Variants in PIK3C2B observed in about 807,000 individuals in gnomAD.
PIK3C2B encodes the protein phosphatidylinositol-4-phosphate 3-kinase catalytic subunit type 2 beta, also known as phosphatidylinositol 4-phosphate 3-kinase C2 domain-containing subunit beta.
A neutral mutation model predicts 184.3 loss-of-function variants in PIK3C2B; 83 were observed. The ratio of observed to expected loss-of-function variants is 0.45; its 90% CI spans 0.38 to 0.54. PIK3C2B has a LOEUF of 0.54. PIK3C2B is among the 20% of genes least tolerant of loss of function. The pLI, the probability that PIK3C2B is intolerant of heterozygous loss-of-function variation, is 0.00. For missense variants in PIK3C2B, 1,736 were observed against 2,113.5 expected (o/e 0.82, Z 3.50); for synonymous variants, 779 against 837.6 (o/e 0.93, Z 1.21).
Position 204,441,504 on chromosome 1 carries a change from A to G in PIK3C2B, c.3216T>C (p.Asp1072=). ...VPLKLSFQNV[D]PLGENIRVIF... The stretch of plus-strand genomic sequence containing the variant: ...TGACACGGATGTTCTCACCCAGGGG[A>G]TCCACATTTTGGAAGGAGAGTTTGA... Residue 1072 remains aspartate, a synonymous_variant, in exon 21 of 33, where the codon GAT becomes GAC. Transcript: ENST00000684373. 2 of 1,612,868 alleles carry G rather than the reference A, an allele frequency of 1.2e-6. No individual in the cohort carries two copies. The highest frequency in any genetic ancestry group is 1.7e-6 in the Non-Finnish European group (2 of 1,178,874).
Position 204,423,888 on chromosome 1 carries a change from C to CTTGGGTGAAAA in PIK3C2B, c.*963_*964insTTTTCACCCAA, listed in dbSNP as rs1364705855. 1.3e-5 allele frequency: 2 copies of CTTGGGTGAAAA among 152,498 alleles called. No homozygotes were observed. The highest frequency in any genetic ancestry group is 4.8e-5 in the African/African-American group (2 of 41,372). 9.4% of individuals were successfully genotyped at this position (152,498 alleles called of 1,614,324 possible). A position where few individuals can be genotyped will look rare whatever the true frequency, so the allele number is the denominator to read the frequency against. On this transcript the variant is annotated 3_prime_UTR_variant, in exon 33 of 33. Coordinates refer to ENST00000684373, the MANE Select transcript of PIK3C2B (RefSeq NM_001377334.1). ...AAGATGCTCTTGGGTGAAACTACATCTAAGGACTGAGTCAGTATTTTGTCC... is the reference window on the plus strand; with the variant it reads ...AAGATGCTCTTGGGTGAAACTACATCTTGGGTGAAAATAAGGACTGAGTCAGTATTTTGTCC...
intron 3 of PIK3C2B, 40 bp downstream of exon 3, chr1:204,465,179 C>G: frequency 1.1e-6 from 1 of 945,958 alleles, no homozygotes. Flanking sequence ...CCCCATCCCC[C>G]ATAGCCCTCC....
chr1:204,457,794 A>G lies in PIK3C2B; in HGVS notation c.1647T>C (p.Pro549=), dbSNP rs1654994847. 1 of 1,613,168 alleles carries G rather than the reference A, an allele frequency of 6.2e-7. No homozygotes were observed. ...ICNALAAVET[P]EITSALNQLP... is the part of the protein sequence containing the mutation. ...GCTGGTTGAGAGCACTGGTGATCTC[A>G]GGGGTTTCCACGGCGGCCAGGGCGT... Residue 549 remains proline (P), a synonymous_variant, in exon 9 of 33, where the codon CCT becomes CCC. Transcript: ENST00000684373.
chr1:204,430,864 G>A (rs1400012135), intron 28 of PIK3C2B, among the ~76,000 whole-genome samples: 1 of 152,088 alleles, frequency 6.6e-6, no homozygotes, highest in Non-Finnish European at 1.5e-5. Context: ...ATGTTGGCCA[G>A]GCTGCTCTCG....
intron 5 of PIK3C2B, 120 bp downstream of exon 5, chr1:204,463,892 G>C: frequency 2.0e-6 from 2 of 1,001,148 alleles, no homozygotes; most frequent in Non-Finnish European, 3.0e-6. Context: ...CCAGAAAGCA[G>C]GAGTCTTGAC....
chr1:204,467,103 G>A, intron 2 of PIK3C2B: 1 of 390,782 alleles, frequency 2.6e-6, no homozygotes, highest in Non-Finnish European at 5.2e-6. Flanking sequence ...ATTCTGGGCT[G>A]AGCTCTGTCT....
At chr1:204,483,142 C>T (rs1393630689) in intron 1 of PIK3C2B, among the ~76,000 whole-genome samples, 1 of 152,146 alleles carries the variant, frequency 6.6e-6, no homozygotes, top group African/African-American at 2.4e-5. Flanking sequence ...CTCAGAAAGG[C>T]CAGGCACAGT....
chr1:204,432,973 C>T (rs1443423962), intron 26 of PIK3C2B, among the ~76,000 whole-genome samples: 3 of 152,184 alleles, frequency 2.0e-5, no homozygotes, highest in Non-Finnish European at 4.4e-5. Flanking sequence ...AAGGGGGAAG[C>T]GTCTGACCAA....
intron 1 of PIK3C2B, among the ~76,000 whole-genome samples, chr1:204,490,870 T>C (rs1170749667): frequency 6.6e-6 from 1 of 152,142 alleles, no homozygotes; most frequent in African/African-American, 2.4e-5. Flanking sequence ...CTGCCTTAAT[T>C]TCCCCAGGAT....
At chr1:204,480,837 G>GTCATCT (rs1657075799) in intron 1 of PIK3C2B, among the ~76,000 whole-genome samples, 1 of 152,110 alleles carries the variant, frequency 6.6e-6, no homozygotes, top group Non-Finnish European at 1.5e-5. Flanking sequence ...CCTTGGGATA[G>GTCATCT]GAAGGCTCTC....
intron 12 of PIK3C2B, among the ~76,000 whole-genome samples, chr1:204,452,287 C>CCTTT (rs1558252019): frequency 2.3e-5 from 1 of 44,390 alleles, no homozygotes; most frequent in African/African-American, 4.9e-5. Flanking sequence ...TGTGCAGCAC[C>CCTTT]CTTTTTTTTT....
intron 8 of PIK3C2B, 98 bp downstream of exon 8, chr1:204,459,780 C>A: frequency 1.9e-6 from 2 of 1,040,096 alleles, no homozygotes. Context: ...TCAGGCTCCA[C>A]CCAGACCCCT....
In PIK3C2B at chr1:204,469,173, C is replaced by T; in HGVS notation, c.630G>A (p.Glu210=). The change falls in exon 2 of 33, where the codon GAG becomes GAA. Residue 210 remains glutamate (E), a synonymous_variant. Transcript: ENST00000684373. ...GKLLEHRILE[E]EEVLGGGGQG... ...GACCCCCACCTCCCAGCACCTCTTC[C>T]TCTTCTAGGATCCGATGCTCTAGCA... 1 of 1,614,030 alleles carries T rather than the reference C, an allele frequency of 6.2e-7. No homozygotes were observed. The highest frequency in any genetic ancestry group is 8.5e-7 in the Non-Finnish European group (1 of 1,179,940).
rs1655377948 is a variant in PIK3C2B, at chr1:204,462,057, G to C, written c.1311-1396C>G. On this transcript the variant is annotated intron_variant, in intron 5 of 32. Transcript: ENST00000684373. ...TGTGCTTTTCTGTTGGGTGGGAGTGGGGCTCCTAGGCCAGGAGTCATGCAC... is the reference window on the plus strand; with the variant it reads ...TGTGCTTTTCTGTTGGGTGGGAGTGCGGCTCCTAGGCCAGGAGTCATGCAC... Among the ~76,000 whole-genome samples, 3 of 152,202 alleles carry C rather than the reference G, an allele frequency of 2.0e-5. No homozygotes were observed. In the South Asian group the frequency reaches 6.2e-4, roughly 32 times the overall value.
chr1:204,426,211 T>C (rs1286532657), intron 31 of PIK3C2B, among the ~76,000 whole-genome samples: 1 of 152,214 alleles, frequency 6.6e-6, no homozygotes, highest in Non-Finnish European at 1.5e-5. Context: ...ATGTCATGCC[T>C]CTGCTTAAAA....
In PIK3C2B at chr1:204,457,805, C is replaced by A; in HGVS notation, c.1636G>T (p.Val546Leu). 1 of 1,612,698 alleles carries A rather than the reference C, an allele frequency of 6.2e-7. No homozygotes were observed. The highest frequency in any genetic ancestry group is 8.5e-7 in the Non-Finnish European group (1 of 1,179,436). The stretch of plus-strand genomic sequence containing the variant: ...GCACTGGTGATCTCAGGGGTTTCCA[C>A]GGCGGCCAGGGCGTTGCAGATGGCC... ...VKAICNALAAVETPEITSALN... is the reference protein window; with the variant it reads ...VKAICNALAALETPEITSALN... The change falls in exon 9 of 33, where the codon GTG becomes TTG. Residue 546 changes from valine (V) to leucine (L), a missense_variant. Physicochemically the swap from Val to Leu is conservative, Grantham distance 32. Around this residue, in one of 8 missense-constraint regions of PIK3C2B, gnomAD observed 609 missense variants for 699.2 expected, o/e 0.87. Coordinates refer to ENST00000684373, the MANE Select transcript of PIK3C2B (RefSeq NM_001377334.1).
At chr1:204,479,610 G>C (rs1347301806) in intron 1 of PIK3C2B, among the ~76,000 whole-genome samples, 2 of 152,234 alleles carry the variant, frequency 1.3e-5, no homozygotes, top group African/African-American at 2.4e-5. Context: ...AATGGGTGGA[G>C]TTAGAGACGA....
At chr1:204,439,121 T>C in intron 22 of PIK3C2B, 50 bp from the exon 23 acceptor site, 1 of 1,594,026 alleles carries the variant, frequency 6.3e-7, no homozygotes, top group Non-Finnish European at 8.6e-7. Flanking sequence ...TGAAGGGGAC[T>C]GCAGGGAGAG....
At chr1:204,432,785 A>G (rs1047633195) in intron 26 of PIK3C2B, among the ~76,000 whole-genome samples, 2 of 152,226 alleles carry the variant, frequency 1.3e-5, no homozygotes, top group African/African-American at 4.8e-5. Flanking sequence ...GTCCTGTGTT[A>G]GGAGACCTAA....
Sources: allele counts gnomAD v4.1 joint callset (sites outside exome capture counted in the v4.1 genomes callset), GRCh38; gene constraint gnomAD v4.1.1; regional missense constraint gnomAD v4.1.1; transcripts MANE v1.5; gene names NCBI Gene and HGNC (gene_info 2026-07-23, HGNC 2026-07-21).